GRM8: variants seen among roughly 807,000 people sequenced by gnomAD.
GRM8 encodes the protein glutamate metabotropic receptor 8.
A neutral mutation model predicts 87.2 loss-of-function variants in GRM8; 47 were observed. The ratio of observed to expected loss-of-function variants is 0.54; its 90% CI spans 0.43 to 0.69. The LOEUF is 0.69. Among genes scored for constraint, GRM8 ranks in the 30% least tolerant of loss-of-function variants. GRM8 has a pLI of 0.00. For synonymous variants in GRM8, 396 were observed against 404.5 expected, an observed-to-expected ratio of 0.98 and a Z score of 0.25; for missense variants, 1,019 against 1,139.2, an observed-to-expected ratio of 0.89 and a Z score of 1.52.
chr7:126,740,306 C>T (rs1003373604), intron 7 of GRM8, among the ~76,000 whole-genome samples: 1 of 151,942 alleles, frequency 6.6e-6, no homozygotes, highest in Non-Finnish European at 1.5e-5. Flanking sequence ...GCTAATATCA[C>T]CTCTGATTAT....
chr7:126,964,112 T>A (rs1339763709), intron 3 of GRM8, among the ~76,000 whole-genome samples: 2 of 152,134 alleles, frequency 1.3e-5, no homozygotes, highest in African/African-American at 4.8e-5. Flanking sequence ...TGGCTAGCCA[T>A]ATGCAGAAAA....
intron 2 of GRM8, among the ~76,000 whole-genome samples, chr7:127,147,574 C>A (rs1400522555): frequency 1.3e-5 from 2 of 151,968 alleles, no homozygotes; most frequent in Non-Finnish European, 2.9e-5. Context: ...CACCTTCTGC[C>A]CTGTACAAGT....
At chr7:126,607,195 A>G (rs1798443545) in intron 8 of GRM8, among the ~76,000 whole-genome samples, 1 of 152,240 alleles carries the variant, frequency 6.6e-6, no homozygotes, top group South Asian at 2.1e-4. Context: ...AAATGTCAAT[A>G]TGGATTGCAG....
intron 2 of GRM8, among the ~76,000 whole-genome samples, chr7:127,123,409 C>G (rs1265367629): frequency 6.6e-6 from 1 of 152,038 alleles, no homozygotes; most frequent in Non-Finnish European, 1.5e-5. Context: ...AGTTCTCACT[C>G]TGTTAGTTCC....
At chr7:126,477,589 A>G (rs867130067) in intron 9 of GRM8, among the ~76,000 whole-genome samples, 46 of 86,090 alleles carry the variant, frequency 5.3e-4, no homozygotes, top group African/African-American at 2.5e-3. Context: ...GAGAGAAAGA[A>G]AGAAAGAAAG....
intron 2 of GRM8, among the ~76,000 whole-genome samples, chr7:127,130,135 C>T (rs1478928210): frequency 6.6e-6 from 1 of 152,188 alleles, no homozygotes; most frequent in Non-Finnish European, 1.5e-5. Context: ...ATAGAAGCAT[C>T]ATGACTGTAA....
chr7:126,760,408 A>G (rs1348498552), intron 7 of GRM8, among the ~76,000 whole-genome samples: 1 of 152,186 alleles, frequency 6.6e-6, no homozygotes, highest in African/African-American at 2.4e-5. Context: ...CTTGTCCTTC[A>G]AAACTATAAA....
chr7:127,070,750 T>A (rs1586913148), intron 3 of GRM8, among the ~76,000 whole-genome samples: 1 of 152,314 alleles, frequency 6.6e-6, no homozygotes, highest in East Asian at 1.9e-4. Context: ...GGGACTATGA[T>A]TATCCCCATG....
chr7:126,660,126 C>A (rs1391663969), intron 7 of GRM8, among the ~76,000 whole-genome samples: 1 of 152,156 alleles, frequency 6.6e-6, no homozygotes, highest in Non-Finnish European at 1.5e-5. Context: ...ACTACATATA[C>A]ATATTCAGCA....
intron 3 of GRM8, among the ~76,000 whole-genome samples, chr7:126,917,768 G>A (rs188960245): frequency 1.2e-3 from 184 of 152,220 alleles, no homozygotes; most frequent in Non-Finnish European, 1.9e-3. Context: ...CAGGTAAGGT[G>A]GTATATTCAA....
In GRM8 at chr7:127,001,553, A is replaced by T. The variant is rs1813728992; in HGVS notation, c.728-96870T>A. On this transcript the variant is annotated intron_variant, in intron 3 of 10. Coordinates refer to ENST00000339582, the MANE Select transcript of GRM8 (RefSeq NM_000845.3). The stretch of plus-strand genomic sequence containing the variant: ...CACATTTAGTTACCATTACAAAGTC[A>T]TTAGAATGGCTAAAAATTAAAAGGC... Among the ~76,000 whole-genome samples the T allele has an allele frequency of 3.3e-5, 5 of 151,692 alleles. No individual in the cohort carries two copies. The South Asian group carries it at 1.0e-3, about 31-fold the overall frequency.
chr7:127,187,364 G>C (rs1402522286), intron 2 of GRM8, among the ~76,000 whole-genome samples: 1 of 152,058 alleles, frequency 6.6e-6, no homozygotes, highest in African/African-American at 2.4e-5. Context: ...TATTTTGAGA[G>C]AGGATTTACT....
At chr7:126,481,961 A>G (rs1343400353) in intron 9 of GRM8, among the ~76,000 whole-genome samples, 1 of 152,106 alleles carries the variant, frequency 6.6e-6, no homozygotes, top group Non-Finnish European at 1.5e-5. Flanking sequence ...GGGGAAAAAC[A>G]AATAATCAAA....
chr7:127,250,406 T>C (rs576956269), intron 1 of GRM8, among the ~76,000 whole-genome samples: 2 of 152,328 alleles, frequency 1.3e-5, no homozygotes, highest in East Asian at 3.9e-4. Context: ...CAGAACAAAT[T>C]GAGCCTAAGG....
intron 3 of GRM8, among the ~76,000 whole-genome samples, chr7:126,933,786 A>G (rs1266198626): frequency 6.6e-6 from 1 of 152,232 alleles, no homozygotes; most frequent in Non-Finnish European, 1.5e-5. Context: ...CTCAATAAAT[A>G]TGGGGTAACA....
intron 7 of GRM8, among the ~76,000 whole-genome samples, chr7:126,743,702 A>G (rs930963005): frequency 6.6e-6 from 1 of 152,106 alleles, no homozygotes; most frequent in Non-Finnish European, 1.5e-5. Context: ...ATGTTTTTGT[A>G]AGCCAGTCTG....
At position 126,533,843 on chromosome 7, in the gene GRM8, C is replaced by T. The variant is rs144570925; in HGVS notation, c.1539G>A (p.Ala513=). ...GCTTACACGGCAGGCTGCAGACAGACGCCGGGTGAGTATGTTCTCTATGAG... is the reference window on the plus strand; with the variant it reads ...GCTTACACGGCAGGCTGCAGACAGATGCCGGGTGAGTATGTTCTCTATGAG... ...QWAHREHTHP[A]SVCSLPCKPG... Residue 513 remains alanine, a synonymous_variant, in exon 9 of 11, where the codon GCG becomes GCA. Coordinates refer to ENST00000339582, the MANE Select transcript of GRM8 (RefSeq NM_000845.3). 177 of 1,614,020 alleles carry T rather than the reference C, an allele frequency of 1.1e-4. No homozygotes were observed. The African/African-American group carries it at 1.8e-3, about 16-fold the overall frequency.
At chr7:127,060,308 T>C (rs1820480940) in intron 3 of GRM8, among the ~76,000 whole-genome samples, 1 of 152,088 alleles carries the variant, frequency 6.6e-6, no homozygotes, top group Admixed American at 6.6e-5. Context: ...TAAATACTCA[T>C]ATATGATATA....
At chr7:127,056,855 A>C (rs894063666) in intron 3 of GRM8, among the ~76,000 whole-genome samples, 3 of 152,216 alleles carry the variant, frequency 2.0e-5, no homozygotes, top group African/African-American at 7.2e-5. Flanking sequence ...CTTTCAGGAG[A>C]CATGAAATTT....
Sources: allele counts gnomAD v4.1 joint callset (sites outside exome capture counted in the v4.1 genomes callset), GRCh38; gene constraint gnomAD v4.1.1; transcripts MANE v1.5; gene names NCBI Gene and HGNC (gene_info 2026-07-23, HGNC 2026-07-21).